Variants in SYMPK observed in about 807,000 individuals in gnomAD.
The protein encoded by SYMPK is symplekin scaffold protein.
Under a neutral mutation model 136.4 loss-of-function variants are expected in SYMPK, and 49 were observed. The observed-to-expected ratio is 0.36, with a 90% confidence interval of 0.29 to 0.46. The LOEUF is 0.46. Among genes scored for constraint, SYMPK ranks in the 20% least tolerant of loss-of-function variants. SYMPK has a pLI of 1.00. For synonymous variants in SYMPK, 766 were observed against 713.0 expected (o/e 1.07, Z -1.19); for missense variants, 1,365 against 1,690.0 (o/e 0.81, Z 3.37).
chr19:45,852,548 TG>T lies in SYMPK; in HGVS notation c.172-14del, dbSNP rs1421729777. 3.1e-6 allele frequency: 5 copies of T among 1,613,746 alleles called. No individual in the cohort carries two copies. Among genetic ancestry groups the T allele is most frequent in the Non-Finnish European group, 4.2e-6 (5 of 1,179,976 alleles). On this transcript the variant is annotated splice_polypyrimidine_tract_variant and intron_variant, in intron 3 of 26. Transcript: ENST00000245934. Reference sequence around the variant, plus strand: ...TCAGCTCCTGGACCTGGAAGGAGATTGGGGGTGGGGAGGAGGAATACCCATA... The same window carrying T: ...TCAGCTCCTGGACCTGGAAGGAGATTGGGGTGGGGAGGAGGAATACCCATA...
chr19:45,834,023 C>T (rs1009543042), intron 11 of SYMPK, among the ~76,000 whole-genome samples: 3 of 152,178 alleles, frequency 2.0e-5, no homozygotes, highest in Non-Finnish European at 4.4e-5. Flanking sequence ...TGCACTGGCT[C>T]ACACCTGTAA....
intron 16 of SYMPK, among the ~76,000 whole-genome samples, chr19:45,826,676 G>A (rs1273710279): frequency 6.6e-6 from 1 of 152,206 alleles, no homozygotes; most frequent in Non-Finnish European, 1.5e-5. Flanking sequence ...GCCACTCCCT[G>A]CCAAGTCTCC....
At position 45,838,515 on chromosome 19, in the gene SYMPK, G is replaced by A. The variant is rs1369714318; in HGVS notation, c.1188C>T (p.Asp396=). 4 of 1,614,174 alleles carry A rather than the reference G, an allele frequency of 2.5e-6. No homozygotes were observed. Among genetic ancestry groups the A allele is most frequent in the East Asian group, 2.2e-5 (1 of 44,884 alleles). Residue 396 remains aspartate (D), a synonymous_variant, in exon 10 of 27, where the codon GAC becomes GAT. Coordinates refer to ENST00000245934, the MANE Select transcript of SYMPK (RefSeq NM_004819.3). ...SAQISGQSDT[D]ITAEFLQPLL... Reference sequence around the variant, plus strand: ...GAGGCTGCAGGAACTCAGCTGTGATGTCCGTGTCTGACTGGCCGGAGATCT... The same window carrying A: ...GAGGCTGCAGGAACTCAGCTGTGATATCCGTGTCTGACTGGCCGGAGATCT...
At chr19:45,831,659 T>C (rs983091085) in intron 11 of SYMPK, 71 bp from the exon 12 acceptor site, 1 of 1,343,118 alleles carries the variant, frequency 7.4e-7, no homozygotes, top group Non-Finnish European at 1.0e-6. Context: ...ACCTCCTGTG[T>C]GCCTGGCTCT....
chr19:45,835,318 G>C, intron 10 of SYMPK, 90 bp from the exon 11 acceptor site: 1 of 1,375,864 alleles, frequency 7.3e-7, no homozygotes. Flanking sequence ...GGAAATGGCA[G>C]TGCCTAAGAC....
intron 5 of SYMPK, among the ~76,000 whole-genome samples, chr19:45,850,206 C>A (rs1971666109): frequency 6.6e-6 from 1 of 152,082 alleles, no homozygotes; most frequent in South Asian, 2.1e-4. Flanking sequence ...GATTGCACCA[C>A]TGCACCCCAG....
intron 5 of SYMPK, among the ~76,000 whole-genome samples, chr19:45,850,332 T>C (rs1459169418): frequency 6.6e-6 from 1 of 152,224 alleles, no homozygotes; most frequent in African/African-American, 2.4e-5. Flanking sequence ...TCTGAGACTG[T>C]TTTCTCTTCA....
chr19:45,826,081 T>C (rs1971037102), intron 17 of SYMPK, 145 bp downstream of exon 17: 1 of 1,285,036 alleles, frequency 7.8e-7, no homozygotes, highest in Non-Finnish European at 1.1e-6. Flanking sequence ...CTACCCTGAC[T>C]CCCACAGCCC....
intron 11 of SYMPK, among the ~76,000 whole-genome samples, chr19:45,834,359 T>A (rs1971252626): frequency 6.6e-6 from 1 of 151,496 alleles, no homozygotes; most frequent in East Asian, 1.9e-4. Context: ...CTCGGGAGGC[T>A]GAGGCAGGAG....
At chr19:45,824,441 C>T (rs1326682173) in intron 18 of SYMPK, among the ~76,000 whole-genome samples, 2 of 152,140 alleles carry the variant, frequency 1.3e-5, no homozygotes, top group African/African-American at 4.8e-5. Flanking sequence ...ATCACTTTTC[C>T]ACAGCTGGAC....
At position 45,847,744 on chromosome 19, in the gene SYMPK, G is replaced by C; in HGVS notation, c.676+8C>G. Reference sequence around the variant, plus strand: ...CTGTCAGGGGTGGCAGCTGAAGGCAGTACTCACTGTACTGGATGTAGGGGT... The same window carrying C: ...CTGTCAGGGGTGGCAGCTGAAGGCACTACTCACTGTACTGGATGTAGGGGT... On this transcript the variant is annotated splice_region_variant and intron_variant, in intron 7 of 26. Transcript: ENST00000245934. The C allele has an allele frequency of 6.2e-7, 1 of 1,608,242 alleles. No homozygotes were observed. The highest frequency in any genetic ancestry group is 8.5e-7 in the Non-Finnish European group (1 of 1,175,856).
intron 12 of SYMPK, chr19:45,830,417 C>T (rs921319463): frequency 7.2e-5 from 40 of 557,520 alleles, no homozygotes; most frequent in African/African-American, 4.3e-4. Context: ...GGGCGTCTTA[C>T]GGAAGGCTTC....
rs1335114119 is a variant in SYMPK, at chr19:45,852,399, A to C, written c.226-14T>G. 1 of 1,614,144 alleles carries C rather than the reference A, an allele frequency of 6.2e-7. No homozygotes were observed. On this transcript the variant is annotated splice_polypyrimidine_tract_variant and intron_variant, in intron 4 of 26. Transcript: ENST00000245934. Reference sequence around the variant, plus strand: ...TGCGATGATCTCCTGCCAATGTTAGAGAGAAAGTGGATCAGGGCTACACAA... The same window carrying C: ...TGCGATGATCTCCTGCCAATGTTAGCGAGAAAGTGGATCAGGGCTACACAA...
At chr19:45,823,596 C>T (rs994690894) in intron 19 of SYMPK, 124 bp from the exon 20 acceptor site, 1 of 1,011,872 alleles carries the variant, frequency 9.9e-7, no homozygotes, top group African/African-American at 1.6e-5. Flanking sequence ...CTTGGCTGCT[C>T]ACGTGCAATT....
chr19:45,836,548 G>C (rs977231847), intron 10 of SYMPK, among the ~76,000 whole-genome samples: 2 of 151,600 alleles, frequency 1.3e-5, no homozygotes, highest in Non-Finnish European at 2.9e-5. Context: ...GGAGAATGGC[G>C]TGAACCCGGG....
chr19:45,829,383 G>T (rs983595297), intron 13 of SYMPK, among the ~76,000 whole-genome samples, 178 bp from the exon 14 acceptor site: 2 of 152,072 alleles, frequency 1.3e-5, no homozygotes, highest in African/African-American at 4.8e-5. Context: ...GTGTTGGGGG[G>T]TGGGGGTACC....
At chr19:45,844,833 T>G (rs945463016) in intron 7 of SYMPK, among the ~76,000 whole-genome samples, 7 of 152,202 alleles carry the variant, frequency 4.6e-5, no homozygotes, top group Non-Finnish European at 1.5e-5. Context: ...TTGGTGGATA[T>G]CTTTCCAGAC....
In SYMPK at chr19:45,847,909, G is replaced by A; in HGVS notation, c.519C>T (p.Asp173=). 1.9e-6 allele frequency: 3 copies of A among 1,613,762 alleles called. No individual in the cohort carries two copies. Among genetic ancestry groups the A allele is most frequent in the Non-Finnish European group, 2.5e-6 (3 of 1,179,818 alleles). Reference sequence around the variant, plus strand: ...GGGTGCGGATGCCGTCATTGTCAGAGTCCAATAGCAGGATGATGTCCCCCG... The same window carrying A: ...GGGTGCGGATGCCGTCATTGTCAGAATCCAATAGCAGGATGATGTCCCCCG... ...AMAGDIILLL[D]SDNDGIRTHA... The change falls in exon 7 of 27, where the codon GAC becomes GAT. Residue 173 remains aspartate, a synonymous_variant. Coordinates refer to ENST00000245934, the MANE Select transcript of SYMPK (RefSeq NM_004819.3).
chr19:45,838,767 G>T, intron 9 of SYMPK, 152 bp from the exon 10 acceptor site: 1 of 831,756 alleles, frequency 1.2e-6, no homozygotes, highest in South Asian at 1.9e-5. Flanking sequence ...TCTGCCTCTG[G>T]TGCCAAACCA....
Sources: allele counts gnomAD v4.1 joint callset (sites outside exome capture counted in the v4.1 genomes callset), GRCh38; gene constraint gnomAD v4.1.1; transcripts MANE v1.5; gene names NCBI Gene and HGNC (gene_info 2026-07-23, HGNC 2026-07-21).